The following DYNC2H1 variants were observed in gnomAD, a reference collection of about 807,000 sequenced individuals.
DYNC2H1 encodes the protein cytoplasmic dynein 2 heavy chain 1.
Under a neutral mutation model 570.0 loss-of-function variants are expected in DYNC2H1, and 410 were observed. The ratio of observed to expected loss-of-function variants is 0.72; its 90% CI spans 0.66 to 0.78. The LOEUF (loss-of-function observed/expected upper bound fraction) is 0.78. Among genes scored for constraint, DYNC2H1 ranks in the 30% least tolerant of loss-of-function variants. The probability of loss-of-function intolerance (pLI) is 0.00; values close to 1 mark genes in which losing one functional copy is unlikely to be tolerated. For missense variants in DYNC2H1, 4,865 were observed against 5,046.4 expected (o/e 0.96, Z 1.09); for synonymous variants, 1,688 against 1,677.6 (o/e 1.01, Z -0.15).
chr11:103,146,714 TA>T (rs1173470806), intron 18 of DYNC2H1, among the ~76,000 whole-genome samples: 3 of 152,062 alleles, frequency 2.0e-5, no homozygotes, highest in African/African-American at 7.2e-5. Flanking sequence ...GCAATTCTCC[TA>T]CCTCAGCCTC....
At chr11:103,196,800 T>C (rs1862523524) in intron 47 of DYNC2H1, among the ~76,000 whole-genome samples, 2 of 152,150 alleles carry the variant, frequency 1.3e-5, no homozygotes, top group South Asian at 2.1e-4. Flanking sequence ...AAAGAAGATT[T>C]AGATTTGGAG....
In DYNC2H1 at chr11:103,141,867, C is replaced by G. The variant is rs59575377; in HGVS notation, c.2575-1401C>G. Among the ~76,000 whole-genome samples, 1,078 of 152,348 alleles carry G rather than the reference C, an allele frequency of 7.1e-3. 9 individuals are homozygous for G. Among genetic ancestry groups the G allele is most frequent in the African/African-American group, 0.024 (1,017 of 41,598 alleles). On this transcript the variant is annotated intron_variant, in intron 17 of 88. Transcript: ENST00000375735. ...GAGCTGTGGTGGGCTCCACCCAGTT[C>G]GAGCTTCCCACCTGCTTTGTTTACC... is the stretch of plus-strand genomic sequence containing the variant.
In DYNC2H1 at chr11:103,239,214, A is replaced by C. The variant is rs1864334173; in HGVS notation, c.9819+2675A>C. Among the ~76,000 whole-genome samples the C allele has an allele frequency of 6.6e-6, 1 of 152,152 alleles. No homozygotes were observed. The highest frequency in any genetic ancestry group is 1.5e-5 in the Non-Finnish European group (1 of 68,018). ...AGTGTCAAATTGGTTTTAACCACTC[A>C]AAATTTCATAGATTTTTTTTTCTTG... On this transcript the variant is annotated intron_variant, in intron 63 of 88. Coordinates refer to ENST00000375735, the MANE Select transcript of DYNC2H1 (RefSeq NM_001377.3). The surrounding 1 kb of genome is among the most constrained non-coding windows in gnomAD (Gnocchi z 4.3).
At position 103,199,523 on chromosome 11, in the gene DYNC2H1, G is replaced by C; in HGVS notation, c.8088+47G>C. 2 of 1,448,636 alleles carry C rather than the reference G, an allele frequency of 1.4e-6. No homozygotes were observed. Among genetic ancestry groups the C allele is most frequent in the Non-Finnish European group, 1.8e-6 (2 of 1,098,302 alleles). 89.7% of individuals were successfully genotyped at this position (1,448,636 alleles called of 1,614,324 possible). On this transcript the variant is annotated intron_variant, in intron 49 of 88. Coordinates refer to ENST00000375735, the MANE Select transcript of DYNC2H1 (RefSeq NM_001377.3). This position sits in a 1 kb window ranked among gnomAD's most constrained non-coding sequence, Gnocchi z 4.6. ...GCTTTATTTGGTTTTAAATTACATTGGTTATTACTCTAAACATCTTTAAAG... is the reference window on the plus strand; with the variant it reads ...GCTTTATTTGGTTTTAAATTACATTCGTTATTACTCTAAACATCTTTAAAG...
Position 103,245,108 on chromosome 11 carries a change from C to G in DYNC2H1, c.9919-143C>G. The stretch of plus-strand genomic sequence containing the variant: ...AAGCAGAGTAGGGTTCTTATTAATA[C>G]TTGGGTGAGTAATTTATTACCTATA... On this transcript the variant is annotated intron_variant, in intron 64 of 88. Coordinates refer to ENST00000375735, the MANE Select transcript of DYNC2H1 (RefSeq NM_001377.3). The surrounding 1 kb of genome is among the most constrained non-coding windows in gnomAD (Gnocchi z 4.5). 1.6e-6 allele frequency: 1 copy of G among 638,744 alleles called. No individual in the cohort carries two copies. Among genetic ancestry groups the G allele is most frequent in the Non-Finnish European group, 2.4e-6 (1 of 410,278 alleles). The allele number at this position is 638,744 out of a possible 1,614,324, so 39.6% of individuals were successfully genotyped here.
chr11:103,373,344 T>C (rs1274065747), intron 83 of DYNC2H1, among the ~76,000 whole-genome samples: 1 of 152,256 alleles, frequency 6.6e-6, no homozygotes, highest in East Asian at 1.9e-4. Context: ...AAGTCTCTTA[T>C]GATACTTTGT....
chr11:103,179,064 C>G lies in DYNC2H1; in HGVS notation c.6178C>G (p.Pro2060Ala). The G allele has an allele frequency of 6.2e-7, 1 of 1,611,322 alleles. No individual in the cohort carries two copies. The highest frequency in any genetic ancestry group is 8.5e-7 in the Non-Finnish European group (1 of 1,178,332). ...GATAATCTGTGATGGTGATATTGAC[C>G]CTGAATGGATAGAATCTCTGAATTC... ...SWIICDGDIDPEWIESLNSVL... is the reference protein window; with the variant it reads ...SWIICDGDIDAEWIESLNSVL... Residue 2060 changes from proline to alanine, a missense_variant, in exon 39 of 89, where the codon CCT becomes GCT. By Grantham distance (27) the Pro-to-Ala change is conservative. Around this residue, in one of 5 missense-constraint regions of DYNC2H1, gnomAD observed 231 missense variants for 310.3 expected, o/e 0.74. Transcript: ENST00000375735.
intron 78 of DYNC2H1, among the ~76,000 whole-genome samples, chr11:103,308,132 CTTTT>C (rs1274862025): frequency 6.6e-6 from 1 of 152,094 alleles, no homozygotes; most frequent in Non-Finnish European, 1.5e-5. Flanking sequence ...ATCTGTAGAA[CTTTT>C]TTTATCTTGC....
chr11:103,291,088 C>T (rs114696107), intron 75 of DYNC2H1, among the ~76,000 whole-genome samples: 5 of 152,160 alleles, frequency 3.3e-5, no homozygotes, highest in Non-Finnish European at 4.4e-5. Context: ...AATCAGGCTA[C>T]ATATAACCTG....
intron 75 of DYNC2H1, among the ~76,000 whole-genome samples, chr11:103,295,867 C>T (rs1013493776): frequency 1.1e-4 from 16 of 152,244 alleles, no homozygotes; most frequent in East Asian, 3.9e-4. Flanking sequence ...ATCTTTGTTC[C>T]GGGCCCAGTC....
At chr11:103,148,234 G>T (rs1457885022) in intron 19 of DYNC2H1, among the ~76,000 whole-genome samples, 1 of 152,002 alleles carries the variant, frequency 6.6e-6, no homozygotes, top group Non-Finnish European at 1.5e-5. Context: ...TATAAAAGAC[G>T]AAAAATGCAG....
At chr11:103,278,890 G>A (rs1299244244) in intron 70 of DYNC2H1, among the ~76,000 whole-genome samples, 2 of 152,268 alleles carry the variant, frequency 1.3e-5, no homozygotes, top group Admixed American at 1.3e-4. Flanking sequence ...TAATGCCCAT[G>A]TAATGAGACT....
In DYNC2H1 at chr11:103,280,366, G is replaced by A. The variant is rs1473012975; in HGVS notation, c.10714G>A (p.Ala3572Thr). 17 of 1,555,400 alleles carry A rather than the reference G, an allele frequency of 1.1e-5. No homozygotes were observed. Among genetic ancestry groups the A allele is most frequent in the East Asian group, 4.8e-5 (2 of 41,806 alleles). The change falls in exon 71 of 89, where the codon GCT (alanine) becomes ACT (threonine). Residue 3572 changes from alanine (A) to threonine (T), a missense_variant. By Grantham distance (58) the Ala-to-Thr change is moderately conservative. Around this residue, in one of 5 missense-constraint regions of DYNC2H1, gnomAD observed 2,401 missense variants for 2,454.6 expected, o/e 0.98. Coordinates refer to ENST00000375735, the MANE Select transcript of DYNC2H1 (RefSeq NM_001377.3). This position sits in a 1 kb window ranked among gnomAD's most constrained non-coding sequence, Gnocchi z 4.7. ...TTTGCAGGCTGATCAGTTGATGTTC[G>A]CTTTGCATTTTGTTCGAGGCATGCA... ...CLFKADQLMFALHFVRGMHPE... is the reference protein window; with the variant it reads ...CLFKADQLMFTLHFVRGMHPE...
intron 87 of DYNC2H1, among the ~76,000 whole-genome samples, chr11:103,459,487 A>T (rs1160970827): frequency 1.3e-5 from 2 of 152,126 alleles, no homozygotes; most frequent in African/African-American, 4.8e-5. Flanking sequence ...TTACATAATA[A>T]GCATTCGATC....
chr11:103,279,921 T>C (rs1012461349), intron 70 of DYNC2H1, among the ~76,000 whole-genome samples: 1 of 152,190 alleles, frequency 6.6e-6, no homozygotes, highest in Non-Finnish European at 1.5e-5. Context: ...TTAATCTATC[T>C]AGTAAGGAGA....
intron 78 of DYNC2H1, among the ~76,000 whole-genome samples, chr11:103,310,807 C>T (rs982189838): frequency 6.6e-6 from 1 of 150,810 alleles, no homozygotes; most frequent in African/African-American, 2.4e-5. Flanking sequence ...TATCCTGCCT[C>T]ATCCTGCTGA....
At chr11:103,147,124 G>T (rs559803210) in intron 18 of DYNC2H1, among the ~76,000 whole-genome samples, 10 of 152,260 alleles carry the variant, frequency 6.6e-5, no homozygotes, top group African/African-American at 2.4e-4. Context: ...AAATTCTAAA[G>T]GTAGAGTTGT....
chr11:103,387,932 A>G (rs970992888), intron 83 of DYNC2H1, among the ~76,000 whole-genome samples: 2 of 152,152 alleles, frequency 1.3e-5, no homozygotes, highest in Admixed American at 1.3e-4. Flanking sequence ...GAAGTCAGGT[A>G]GTGTGATGCC....
rs576813762 is a variant in DYNC2H1, at chr11:103,222,733, A to T, written c.9232-232A>T. 2.3e-3 allele frequency among the ~76,000 whole-genome samples: 346 copies of T among 152,328 alleles called. 1 individual carries two copies. Among genetic ancestry groups the T allele is most frequent in the African/African-American group, 7.9e-3 (329 of 41,572 alleles). On this transcript the variant is annotated intron_variant, in intron 58 of 88. Transcript: ENST00000375735. Reference sequence around the variant, plus strand: ...AAAATTATGTTGATAAAACATCTTTAATTTAAAGATTCTGTGTGGTTCAAA... The same window carrying T: ...AAAATTATGTTGATAAAACATCTTTTATTTAAAGATTCTGTGTGGTTCAAA...
Sources: gnomAD v4.1 joint callset for allele counts (sites outside exome capture counted in the v4.1 genomes callset) on GRCh38, gnomAD v4.1.1 for gene constraint, gnomAD v4.1.1 regional missense constraint, Gnocchi (gnomAD v3.1) non-coding constraint, MANE v1.5 for transcripts, NCBI Gene and HGNC (gene_info 2026-07-23, HGNC 2026-07-21) for gene names.